FOXE3: variants seen among roughly 807,000 people sequenced by gnomAD.
FOXE3 encodes forkhead box protein E3.
For synonymous variants in FOXE3, 274 were observed against 258.3 expected (o/e 1.06, Z -0.58); for missense variants, 520 against 507.8 (o/e 1.02, Z -0.23).
In FOXE3 at chr1:47,416,930, TG is replaced by T. The variant is rs1646887598; in HGVS notation, c.616del (p.Ala206ProfsTer18). ...CCGCGCTGCTGGTGCCGCCGCCTTC[TG>T]CCGGACCGGGCCCCTCGCCGCCCGC... ...GPALLVPPPSAGPGPSPPARL... is the reference protein window; with the variant it reads ...GPALLVPPPSXGPGPSPPARL... On this transcript the variant is annotated frameshift_variant, in exon 1 of 1. Transcript: ENST00000335071. LOFTEE classifies it low-confidence loss of function (END_TRUNC). The surrounding 1 kb of genome is among the most constrained non-coding windows in gnomAD (Gnocchi z 4.2). The T allele has an allele frequency of 7.5e-7, 1 of 1,324,648 alleles. No individual in the cohort carries two copies. The allele number at this position is 1,324,648 out of a possible 1,614,324, so 82.1% of individuals were successfully genotyped here.
chr1:47,417,178 C>T lies in FOXE3; in HGVS notation c.863C>T (p.Ala288Val), dbSNP rs2124044769. 1 of 1,385,814 alleles carries T rather than the reference C, an allele frequency of 7.2e-7. No individual in the cohort carries two copies. The allele number at this position is 1,385,814 out of a possible 1,614,324, so 85.8% of individuals were successfully genotyped here. A position where few individuals can be genotyped will look rare whatever the true frequency, so the allele number is the denominator to read the frequency against. ...PGPLPAEPLL[A>V]LAGPAAALGP... ...CCGCTGCCCGCTGAGCCCCTCCTGG[C>T]CTTGGCCGGGCCGGCAGCCGCTCTC... Residue 288 changes from alanine (A) to valine (V), a missense_variant, in exon 1 of 1, where the codon GCC becomes GTC. Coordinates refer to ENST00000335071, the MANE Select transcript of FOXE3 (RefSeq NM_012186.3). This position sits in a 1 kb window ranked among gnomAD's most constrained non-coding sequence, Gnocchi z 4.3.
At position 47,416,360 on chromosome 1, in the gene FOXE3, C is replaced by T. The variant is rs1408849815; in HGVS notation, c.45C>T (p.Gly15=). Residue 15 remains glycine, a synonymous_variant, in exon 1 of 1, where the codon GGC becomes GGT. Transcript: ENST00000335071. The surrounding 1 kb of genome is among the most constrained non-coding windows in gnomAD (Gnocchi z 4.2). ...SDMDPPAAFS[G]FPALPAVAPS... ...TGGATCCGCCCGCCGCGTTCTCTGGCTTCCCTGCCCTGCCAGCGGTCGCGC... is the reference window on the plus strand; with the variant it reads ...TGGATCCGCCCGCCGCGTTCTCTGGTTTCCCTGCCCTGCCAGCGGTCGCGC... 4 of 1,368,020 alleles carry T rather than the reference C, an allele frequency of 2.9e-6. No individual in the cohort carries two copies. Among genetic ancestry groups the T allele is most frequent in the South Asian group, 3.3e-5 (2 of 60,724 alleles). 84.7% of individuals were successfully genotyped at this position (1,368,020 alleles called of 1,614,324 possible).
Position 47,416,806 on chromosome 1 carries a change from GCAAGCGCTT to G in FOXE3, c.499_507del (p.Phe167_Arg169del). The G allele has an allele frequency of 6.3e-7, 1 of 1,585,134 alleles. No homozygotes were observed. Among genetic ancestry groups the G allele is most frequent in the Non-Finnish European group, 8.6e-7 (1 of 1,167,284 alleles). On this transcript the variant is annotated inframe_deletion, in exon 1 of 1. Coordinates refer to ENST00000335071, the MANE Select transcript of FOXE3 (RefSeq NM_012186.3). This position sits in a 1 kb window ranked among gnomAD's most constrained non-coding sequence, Gnocchi z 4.2. ...GACAACGGCAGCTTCCTGCGGCGCC[GCAAGCGCTT>G]CAAGCGCGCCGAGCTGCCCGCGCAC...
Position 47,416,795 on chromosome 1 carries a change from C to A in FOXE3, c.480C>A (p.Phe160Leu). 6.3e-7 allele frequency: 1 copy of A among 1,589,834 alleles called. No individual in the cohort carries two copies. Among genetic ancestry groups the A allele is most frequent in the African/African-American group, 1.4e-5 (1 of 72,598 alleles). Reference protein sequence around the residue: ...AAADMFDNGSFLRRRKRFKRA... With the variant: ...AAADMFDNGSLLRRRKRFKRA... Reference sequence around the variant, plus strand: ...CAGACATGTTCGACAACGGCAGCTTCCTGCGGCGCCGCAAGCGCTTCAAGC... The same window carrying A: ...CAGACATGTTCGACAACGGCAGCTTACTGCGGCGCCGCAAGCGCTTCAAGC... The change falls in exon 1 of 1, where the codon TTC becomes TTA. Residue 160 changes from phenylalanine (F) to leucine (L), a missense_variant. Physicochemically the swap from Phe to Leu is conservative, Grantham distance 22. Transcript: ENST00000335071. This position sits in a 1 kb window ranked among gnomAD's most constrained non-coding sequence, Gnocchi z 4.2.
At position 47,417,128 on chromosome 1, in the gene FOXE3, G is replaced by A. The variant is rs1003802007; in HGVS notation, c.813G>A (p.Leu271=). Residue 271 remains leucine (L), a synonymous_variant, in exon 1 of 1, where the codon CTG becomes CTA. Transcript: ENST00000335071. The surrounding 1 kb of genome is among the most constrained non-coding windows in gnomAD (Gnocchi z 4.3). ...LYSQVPDRLV[L]PATRPGPGPL... The stretch of plus-strand genomic sequence containing the variant: ...CGCAGGTCCCCGACCGCCTGGTACT[G>A]CCCGCGACGCGCCCCGGCCCCGGCC... 77 of 1,405,496 alleles carry A rather than the reference G, an allele frequency of 5.5e-5. No individual in the cohort carries two copies. The highest frequency in any genetic ancestry group is 5.1e-4 in the Middle Eastern group (2 of 3,912). The allele number at this position is 1,405,496 out of a possible 1,614,324, so 87.1% of individuals were successfully genotyped here.
Position 47,416,389 on chromosome 1 carries a change from C to A in FOXE3, c.74C>A (p.Ser25Ter). ...CCTGCCCTGCCAGCGGTCGCGCCGT[C>A]GGGGCCGCCGCCGTCGCCGCTCGCA... ...GFPALPAVAP[S>*]GPPPSPLAGA... The change falls in exon 1 of 1, where the codon TCG becomes TAG. Residue 25 changes from serine (S) to a stop codon, truncating the protein, a stop_gained. Transcript: ENST00000335071. LOFTEE classifies it low-confidence loss of function (END_TRUNC). This position sits in a 1 kb window ranked among gnomAD's most constrained non-coding sequence, Gnocchi z 4.2. 1.5e-6 allele frequency: 2 copies of A among 1,329,756 alleles called. No individual in the cohort carries two copies. The highest frequency in any genetic ancestry group is 2.8e-4 in the Middle Eastern group (1 of 3,560). 82.4% of individuals were successfully genotyped at this position (1,329,756 alleles called of 1,614,324 possible). A position where few individuals can be genotyped will look rare whatever the true frequency, so the allele number is the denominator to read the frequency against.
Position 47,417,128 on chromosome 1 carries a change from G to T in FOXE3, c.813G>T (p.Leu271=). ...CGCAGGTCCCCGACCGCCTGGTACT[G>T]CCCGCGACGCGCCCCGGCCCCGGCC... is the stretch of plus-strand genomic sequence containing the variant. ...LYSQVPDRLV[L]PATRPGPGPL... The change falls in exon 1 of 1, where the codon CTG becomes CTT. Residue 271 remains leucine, a synonymous_variant. Coordinates refer to ENST00000335071, the MANE Select transcript of FOXE3 (RefSeq NM_012186.3). The surrounding 1 kb of genome is among the most constrained non-coding windows in gnomAD (Gnocchi z 4.3). The T allele has an allele frequency of 7.1e-7, 1 of 1,405,496 alleles. No individual in the cohort carries two copies. The highest frequency in any genetic ancestry group is 9.3e-7 in the Non-Finnish European group (1 of 1,080,922). 87.1% of individuals were successfully genotyped at this position (1,405,496 alleles called of 1,614,324 possible).
In FOXE3 at chr1:47,416,915, G is replaced by A. The variant is rs1191989465; in HGVS notation, c.600G>A (p.Leu200=). The A allele has an allele frequency of 1.5e-6, 2 of 1,317,500 alleles. No individual in the cohort carries two copies. Among genetic ancestry groups the A allele is most frequent in the Admixed American group, 3.6e-5 (1 of 28,034 alleles). 81.6% of individuals were successfully genotyped at this position (1,317,500 alleles called of 1,614,324 possible). ...PYAPAPGPAL[L]VPPPSAGPGP... is the part of the protein sequence containing the mutation. ...CGCCCGCGCCCGGCCCCGCGCTGCTGGTGCCGCCGCCTTCTGCCGGACCGG... is the reference window on the plus strand; with the variant it reads ...CGCCCGCGCCCGGCCCCGCGCTGCTAGTGCCGCCGCCTTCTGCCGGACCGG... Residue 200 remains leucine, a synonymous_variant, in exon 1 of 1, where the codon CTG becomes CTA. Transcript: ENST00000335071. The surrounding 1 kb of genome is among the most constrained non-coding windows in gnomAD (Gnocchi z 4.2).
At position 47,416,869 on chromosome 1, in the gene FOXE3, C is replaced by T. The variant is rs2124043406; in HGVS notation, c.554C>T (p.Pro185Leu). The change falls in exon 1 of 1, where the codon CCC becomes CTC. Residue 185 changes from proline (P) to leucine (L), a missense_variant. By Grantham distance (98) the Pro-to-Leu change is moderately conservative. Transcript: ENST00000335071. This position sits in a 1 kb window ranked among gnomAD's most constrained non-coding sequence, Gnocchi z 4.2. ...GCCGCGGCGCCAGGGCCGCCGCTCC[C>T]CTTCCCCTACGCGCCCTACGCGCCC... ...HAAAAPGPPL[P>L]FPYAPYAPAP... 7.2e-7 allele frequency: 1 copy of T among 1,395,240 alleles called. No homozygotes were observed. The highest frequency in any genetic ancestry group is 9.3e-7 in the Non-Finnish European group (1 of 1,071,796). 86.4% of individuals were successfully genotyped at this position (1,395,240 alleles called of 1,614,324 possible).
rs1177501502 is a variant in FOXE3 at position 47,417,026 on chromosome 1, G to T, written c.711G>T (p.Pro237=). The part of the protein sequence containing the change: ...PELAGLGAPE[P]PCCAAPDAAA... ...TAGCGGGGCTGGGCGCCCCCGAGCCGCCCTGCTGCGCCGCGCCCGACGCCG... is the reference window on the plus strand; with the variant it reads ...TAGCGGGGCTGGGCGCCCCCGAGCCTCCCTGCTGCGCCGCGCCCGACGCCG... The change falls in exon 1 of 1, where the codon CCG becomes CCT. Residue 237 remains proline (P), a synonymous_variant. Transcript: ENST00000335071. This position sits in a 1 kb window ranked among gnomAD's most constrained non-coding sequence, Gnocchi z 4.3. The T allele has an allele frequency of 9.9e-6, 13 of 1,317,628 alleles. 1 individual carries two copies. The highest frequency in any genetic ancestry group is 2.9e-4 in the Middle Eastern group (1 of 3,464). 81.6% of individuals were successfully genotyped at this position (1,317,628 alleles called of 1,614,324 possible). A position where few individuals can be genotyped will look rare whatever the true frequency, so the allele number is the denominator to read the frequency against.
In FOXE3 at chr1:47,416,407, C is replaced by A. The variant is rs1425029592; in HGVS notation, c.92C>A (p.Pro31Gln). Reference sequence around the variant, plus strand: ...GCGCCGTCGGGGCCGCCGCCGTCGCCGCTCGCAGGAGCCGAGCCAGGGCGG... The same window carrying A: ...GCGCCGTCGGGGCCGCCGCCGTCGCAGCTCGCAGGAGCCGAGCCAGGGCGG... ...AVAPSGPPPS[P>Q]LAGAEPGREP... The change falls in exon 1 of 1, where the codon CCG (proline) becomes CAG (glutamine). Residue 31 changes from proline to glutamine, a missense_variant. Pro to Gln is a moderately conservative substitution (Grantham distance 76). Coordinates refer to ENST00000335071, the MANE Select transcript of FOXE3 (RefSeq NM_012186.3). This position sits in a 1 kb window ranked among gnomAD's most constrained non-coding sequence, Gnocchi z 4.2. 15 of 1,289,850 alleles carry A rather than the reference C, an allele frequency of 1.2e-5. No homozygotes were observed. The African/African-American group carries it at 1.9e-4, about 16-fold the overall frequency. The allele number at this position is 1,289,850 out of a possible 1,614,324, so 79.9% of individuals were successfully genotyped here.
At position 47,417,153 on chromosome 1, in the gene FOXE3, C is replaced by A; in HGVS notation, c.838C>A (p.Pro280Thr). 7.1e-7 allele frequency: 1 copy of A among 1,405,058 alleles called. No homozygotes were observed. Among genetic ancestry groups the A allele is most frequent in the Non-Finnish European group, 9.2e-7 (1 of 1,084,050 alleles). The allele number at this position is 1,405,058 out of a possible 1,614,324, so 87.0% of individuals were successfully genotyped here. A position where few individuals can be genotyped will look rare whatever the true frequency, so the allele number is the denominator to read the frequency against. Residue 280 changes from proline to threonine, a missense_variant, in exon 1 of 1, where the codon CCG becomes ACG. Coordinates refer to ENST00000335071, the MANE Select transcript of FOXE3 (RefSeq NM_012186.3). This position sits in a 1 kb window ranked among gnomAD's most constrained non-coding sequence, Gnocchi z 4.3. Reference sequence around the variant, plus strand: ...GCCCGCGACGCGCCCCGGCCCCGGCCCGCTGCCCGCTGAGCCCCTCCTGGC... The same window carrying A: ...GCCCGCGACGCGCCCCGGCCCCGGCACGCTGCCCGCTGAGCCCCTCCTGGC... Reference protein sequence around the residue: ...VLPATRPGPGPLPAEPLLALA... With the variant: ...VLPATRPGPGTLPAEPLLALA...
rs566961335 is a variant in FOXE3 at position 47,416,461 on chromosome 1, G to C, written c.146G>C (p.Gly49Ala). 2.7e-3 allele frequency: 2,989 copies of C among 1,120,580 alleles called. 59 individuals carry two copies. The African/African-American group carries it at 0.045, about 17-fold the overall frequency. 69.4% of individuals were successfully genotyped at this position (1,120,580 alleles called of 1,614,324 possible). ...REPEEAAAGR[G>A]EAAPTPAPGP... ...CCAGAGGAGGCGGCGGCTGGCCGCG[G>C]AGAGGCGGCCCCCACGCCCGCGCCC... The change falls in exon 1 of 1, where the codon GGA becomes GCA. Residue 49 changes from glycine (G) to alanine (A), a missense_variant. Transcript: ENST00000335071. This position sits in a 1 kb window ranked among gnomAD's most constrained non-coding sequence, Gnocchi z 4.2.
rs1487577256 is a variant in FOXE3 at position 47,416,513 on chromosome 1, C to T, written c.198C>T (p.Pro66=). The change falls in exon 1 of 1, where the codon CCC becomes CCT. Residue 66 remains proline (P), a synonymous_variant. Transcript: ENST00000335071. The surrounding 1 kb of genome is among the most constrained non-coding windows in gnomAD (Gnocchi z 4.2). ...APGPGRRRRR[P]LQRGKPPYSY... The stretch of plus-strand genomic sequence containing the variant: ...GCCCGGGGCGGCGGCGGCGGCGGCC[C>T]CTGCAGCGCGGGAAGCCGCCCTACT... 4.2e-6 allele frequency: 6 copies of T among 1,416,866 alleles called. No individual in the cohort carries two copies. Among genetic ancestry groups the T allele is most frequent in the Non-Finnish European group, 5.6e-6 (6 of 1,074,634 alleles). The allele number at this position is 1,416,866 out of a possible 1,614,324, so 87.8% of individuals were successfully genotyped here. A position where few individuals can be genotyped will look rare whatever the true frequency, so the allele number is the denominator to read the frequency against.
chr1:47,417,122 G>A lies in FOXE3; in HGVS notation c.807G>A (p.Leu269=). The change falls in exon 1 of 1, where the codon CTG becomes CTA. Residue 269 remains leucine (L), a synonymous_variant. Transcript: ENST00000335071. The surrounding 1 kb of genome is among the most constrained non-coding windows in gnomAD (Gnocchi z 4.3). ...TCTACTCGCAGGTCCCCGACCGCCT[G>A]GTACTGCCCGCGACGCGCCCCGGCC... ...PPLYSQVPDR[L]VLPATRPGPG... The A allele has an allele frequency of 7.1e-7, 1 of 1,406,202 alleles. No individual in the cohort carries two copies. Among genetic ancestry groups the A allele is most frequent in the Non-Finnish European group, 9.3e-7 (1 of 1,080,204 alleles). 87.1% of individuals were successfully genotyped at this position (1,406,202 alleles called of 1,614,324 possible). A position where few individuals can be genotyped will look rare whatever the true frequency, so the allele number is the denominator to read the frequency against.
In FOXE3 at chr1:47,416,492, G is replaced by T; in HGVS notation, c.177G>T (p.Pro59=). Residue 59 remains proline (P), a synonymous_variant, in exon 1 of 1, where the codon CCG becomes CCT. Coordinates refer to ENST00000335071, the MANE Select transcript of FOXE3 (RefSeq NM_012186.3). This position sits in a 1 kb window ranked among gnomAD's most constrained non-coding sequence, Gnocchi z 4.2. The part of the protein sequence containing the change: ...GEAAPTPAPG[P]GRRRRRPLQR... ...CGGCCCCCACGCCCGCGCCCGGCCCGGGGCGGCGGCGGCGGCGGCCCCTGC... is the reference window on the plus strand; with the variant it reads ...CGGCCCCCACGCCCGCGCCCGGCCCTGGGCGGCGGCGGCGGCGGCCCCTGC... 2 of 1,214,256 alleles carry T rather than the reference G, an allele frequency of 1.6e-6. No homozygotes were observed. Among genetic ancestry groups the T allele is most frequent in the Non-Finnish European group, 2.1e-6 (2 of 970,606 alleles). 75.2% of individuals were successfully genotyped at this position (1,214,256 alleles called of 1,614,324 possible).
At position 47,417,018 on chromosome 1, in the gene FOXE3, C is replaced by T. The variant is rs112802909; in HGVS notation, c.703C>T (p.Pro235Ser). Reference protein sequence around the residue: ...LQPELAGLGAPEPPCCAAPDA... With the variant: ...LQPELAGLGASEPPCCAAPDA... Reference sequence around the variant, plus strand: ...GCCGGAGCTAGCGGGGCTGGGCGCCCCCGAGCCGCCCTGCTGCGCCGCGCC... The same window carrying T: ...GCCGGAGCTAGCGGGGCTGGGCGCCTCCGAGCCGCCCTGCTGCGCCGCGCC... The change falls in exon 1 of 1, where the codon CCC (proline) becomes TCC (serine). Residue 235 changes from proline (P) to serine (S), a missense_variant. Physicochemically the swap from Pro to Ser is moderately conservative, Grantham distance 74. Transcript: ENST00000335071. This position sits in a 1 kb window ranked among gnomAD's most constrained non-coding sequence, Gnocchi z 4.3. 7.5e-5 allele frequency: 100 copies of T among 1,337,868 alleles called. No homozygotes were observed. Among genetic ancestry groups the T allele is most frequent in the Non-Finnish European group, 8.9e-5 (93 of 1,040,862 alleles). The allele number at this position is 1,337,868 out of a possible 1,614,324, so 82.9% of individuals were successfully genotyped here. A position where few individuals can be genotyped will look rare whatever the true frequency, so the allele number is the denominator to read the frequency against.
Position 47,417,254 on chromosome 1 carries a change from G to A in FOXE3, c.939G>A (p.Ser313=), listed in dbSNP as rs538463445. The part of the protein sequence containing the change: ...EAYLRQPGFA[S]GLERYL ...ACCTGAGGCAGCCGGGCTTCGCGTC[G>A]GGGCTGGAGCGCTACCTGTGAGCCT... The change falls in exon 1 of 1, where the codon TCG becomes TCA. Residue 313 remains serine, a synonymous_variant. Transcript: ENST00000335071. The surrounding 1 kb of genome is among the most constrained non-coding windows in gnomAD (Gnocchi z 4.3). The A allele has an allele frequency of 1.5e-6, 2 of 1,353,814 alleles. No individual in the cohort carries two copies. The highest frequency in any genetic ancestry group is 1.8e-5 in the South Asian group (1 of 54,838). The allele number at this position is 1,353,814 out of a possible 1,614,324, so 83.9% of individuals were successfully genotyped here.
chr1:47,416,404 CGCCGCTCGCAG>C lies in FOXE3; in HGVS notation c.91_101del (p.Pro31SerfsTer250). The stretch of plus-strand genomic sequence containing the variant: ...GTCGCGCCGTCGGGGCCGCCGCCGT[CGCCGCTCGCAG>C]GAGCCGAGCCAGGGCGGGAGCCAGA... On this transcript the variant is annotated frameshift_variant, in exon 1 of 1. Transcript: ENST00000335071. LOFTEE classifies it low-confidence loss of function (END_TRUNC). This position sits in a 1 kb window ranked among gnomAD's most constrained non-coding sequence, Gnocchi z 4.2. 1 of 1,300,138 alleles carries C rather than the reference CGCCGCTCGCAG, an allele frequency of 7.7e-7. No individual in the cohort carries two copies. The highest frequency in any genetic ancestry group is 9.8e-7 in the Non-Finnish European group (1 of 1,017,368). The allele number at this position is 1,300,138 out of a possible 1,614,324, so 80.5% of individuals were successfully genotyped here.
Sources: gnomAD v4.1 joint callset for allele counts on GRCh38, gnomAD v4.1.1 for gene constraint, Gnocchi (gnomAD v3.1) non-coding constraint, MANE v1.5 for transcripts, NCBI Gene and HGNC (gene_info 2026-07-23, HGNC 2026-07-21) for gene names.